Variants in GRM8 observed in about 807,000 individuals in gnomAD.
GRM8 encodes metabotropic glutamate receptor 8.
In GRM8, 47 loss-of-function variants were observed where a neutral mutation model predicts 87.2. The ratio of observed to expected loss-of-function variants is 0.54; its 90% CI spans 0.43 to 0.69. GRM8 has a LOEUF of 0.69. GRM8 is among the 30% of genes least tolerant of loss of function. The pLI, the probability that GRM8 is intolerant of heterozygous loss-of-function variation, is 0.00. For synonymous variants in GRM8, 396 were observed against 404.5 expected (o/e 0.98, Z 0.25); for missense variants, 1,019 against 1,139.2 (o/e 0.89, Z 1.52).
chr7:127,151,537 T>C (rs1260844694), intron 2 of GRM8, among the ~76,000 whole-genome samples: 1 of 152,114 alleles, frequency 6.6e-6, no homozygotes, highest in Non-Finnish European at 1.5e-5. Flanking sequence ...AACAACGTTT[T>C]CTACAGTTCA....
At chr7:126,721,699 A>G (rs1812409294) in intron 7 of GRM8, among the ~76,000 whole-genome samples, 2 of 152,166 alleles carry the variant, frequency 1.3e-5, no homozygotes, top group African/African-American at 2.4e-5. Context: ...TTCATTTAAC[A>G]AATGTTAATT....
At chr7:127,097,860 T>G (rs1824831695) in intron 3 of GRM8, among the ~76,000 whole-genome samples, 1 of 152,250 alleles carries the variant, frequency 6.6e-6, no homozygotes, top group Non-Finnish European at 1.5e-5. Context: ...AAAACTTAAC[T>G]ACAGCATTAG....
intron 2 of GRM8, among the ~76,000 whole-genome samples, chr7:127,203,175 T>C (rs1795706256): frequency 6.6e-6 from 1 of 152,232 alleles, no homozygotes; most frequent in Non-Finnish European, 1.5e-5. Flanking sequence ...CATGTTTACA[T>C]TTTCATATTA....
At chr7:127,216,490 C>T (rs1027916398) in intron 2 of GRM8, among the ~76,000 whole-genome samples, 3 of 139,728 alleles carry the variant, frequency 2.1e-5, no homozygotes, top group African/African-American at 8.2e-5. Flanking sequence ...TGCACTCCAG[C>T]CTGGGCGACA....
intron 6 of GRM8, among the ~76,000 whole-genome samples, chr7:126,889,695 A>G (rs1408939480): frequency 6.6e-6 from 1 of 152,134 alleles, no homozygotes; most frequent in African/African-American, 2.4e-5. Flanking sequence ...ATCACATTTT[A>G]TATTCACTGA....
At chr7:126,935,291 G>A (rs1416182230) in intron 3 of GRM8, among the ~76,000 whole-genome samples, 3 of 152,066 alleles carry the variant, frequency 2.0e-5, no homozygotes, top group South Asian at 2.1e-4. Flanking sequence ...TGGCAAAGAC[G>A]CAAAAACAAG....
intron 3 of GRM8, among the ~76,000 whole-genome samples, chr7:126,977,161 T>C (rs927962436): frequency 2.0e-5 from 3 of 152,316 alleles, no homozygotes; most frequent in South Asian, 4.1e-4. Flanking sequence ...AAATTTTAAA[T>C]ATTTTCAGTT....
intron 3 of GRM8, among the ~76,000 whole-genome samples, chr7:127,039,122 A>C (rs1441853921): frequency 6.6e-6 from 1 of 152,170 alleles, no homozygotes; most frequent in African/African-American, 2.4e-5. Flanking sequence ...TTAAACATGA[A>C]AGTAGTTTAG....
intron 9 of GRM8, among the ~76,000 whole-genome samples, chr7:126,515,293 C>A (rs1219140567): frequency 1.3e-5 from 2 of 152,012 alleles, no homozygotes; most frequent in Non-Finnish European, 2.9e-5. Flanking sequence ...TCAAATTGTA[C>A]ATTCATATCC....
chr7:126,735,069 C>A (rs1417958459), intron 7 of GRM8, among the ~76,000 whole-genome samples: 2 of 152,024 alleles, frequency 1.3e-5, no homozygotes, highest in Non-Finnish European at 2.9e-5. Context: ...CATTTCTAGG[C>A]ATAACATGAC....
At chr7:126,739,820 G>C (rs774900311) in intron 7 of GRM8, among the ~76,000 whole-genome samples, 5 of 151,990 alleles carry the variant, frequency 3.3e-5, no homozygotes, top group Admixed American at 6.6e-5. Flanking sequence ...TGTTTAGATA[G>C]GTTTGGATAC....
chr7:126,875,204 T>C (rs1193649664), intron 6 of GRM8, among the ~76,000 whole-genome samples: 1 of 151,900 alleles, frequency 6.6e-6, no homozygotes, highest in African/African-American at 2.4e-5. Context: ...ATATATTAAC[T>C]TGAATGTGGA....
chr7:126,927,141 A>C (rs1220725211), intron 3 of GRM8, among the ~76,000 whole-genome samples: 2 of 152,160 alleles, frequency 1.3e-5, no homozygotes, highest in Non-Finnish European at 2.9e-5. Context: ...ATATTTAAAA[A>C]CAAAAATTTT....
chr7:127,045,683 ACC>A (rs1818859025), intron 3 of GRM8, among the ~76,000 whole-genome samples: 1 of 152,084 alleles, frequency 6.6e-6, no homozygotes, highest in Non-Finnish European at 1.5e-5. Context: ...TCCCACCTCC[ACC>A]ATATACCCAG....
chr7:126,609,553 GTTTA>G lies in GRM8; in HGVS notation c.1358-59_1358-56del, dbSNP rs981459762. On this transcript the variant is annotated intron_variant, in intron 7 of 10. Transcript: ENST00000339582. ...AAGTTTTAGTAAGATAGCCCACTGG[GTTTA>G]TTTTTCTTTTAGAAGGAATGGTAGA... 13 of 1,385,258 alleles carry G rather than the reference GTTTA, an allele frequency of 9.4e-6. No homozygotes were observed. The African/African-American group carries it at 1.6e-4, about 17-fold the overall frequency. 85.8% of individuals were successfully genotyped at this position (1,385,258 alleles called of 1,614,324 possible).
intron 8 of GRM8, among the ~76,000 whole-genome samples, chr7:126,572,950 G>A (rs1443841011): frequency 6.6e-6 from 1 of 152,076 alleles, no homozygotes; most frequent in Non-Finnish European, 1.5e-5. Flanking sequence ...AACGGTGCAA[G>A]AAAAACTAAA....
intron 8 of GRM8, among the ~76,000 whole-genome samples, chr7:126,554,916 A>G (rs1792973720): frequency 6.6e-6 from 1 of 152,190 alleles, no homozygotes; most frequent in Non-Finnish European, 1.5e-5. Context: ...AAATAATAGG[A>G]TAAATGTAAG....
chr7:126,439,923 C>G (rs1364746648), intron 10 of GRM8, among the ~76,000 whole-genome samples: 1 of 149,978 alleles, frequency 6.7e-6, no homozygotes, highest in African/African-American at 2.5e-5. Flanking sequence ...AAAGTCTATC[C>G]TTGAGTAAGG....
chr7:126,593,377 C>T (rs191904610), intron 8 of GRM8, among the ~76,000 whole-genome samples: 1 of 152,038 alleles, frequency 6.6e-6, no homozygotes, highest in Non-Finnish European at 1.5e-5. Flanking sequence ...ATAGTTACTA[C>T]AACAGCATAG....
Sources: gnomAD v4.1 joint callset for allele counts (sites outside exome capture counted in the v4.1 genomes callset) on GRCh38, gnomAD v4.1.1 for gene constraint, MANE v1.5 for transcripts, NCBI Gene and HGNC (gene_info 2026-07-23, HGNC 2026-07-21) for gene names.